Variants in CPE observed in about 807,000 individuals in gnomAD.
CPE encodes the protein carbocypeptidase E.
In CPE, 17 loss-of-function variants were observed where a neutral mutation model predicts 53.5. The observed-to-expected ratio is 0.32, with a 90% CI of 0.22 to 0.48. The LOEUF (loss-of-function observed/expected upper bound fraction) is 0.48. CPE is among the 20% of genes least tolerant of loss of function. The pLI is 0.99. For synonymous variants in CPE, 226 were observed against 228.8 expected (o/e 0.99, Z 0.11); for missense variants, 524 against 614.7 (o/e 0.85, Z 1.56).
At position 165,483,005 on chromosome 4, in the gene CPE, T is replaced by G. The variant is rs10025269; in HGVS notation, c.790+646T>G. ...TAAAAACAGGATGATTAGTTTGTTT[T>G]TTTTTTTTTAATTTTAGATTCGGGG... On this transcript the variant is annotated intron_variant, in intron 4 of 8. Coordinates refer to ENST00000402744, the MANE Select transcript of CPE (RefSeq NM_001873.4). 7.8e-3 allele frequency among the ~76,000 whole-genome samples: 1,185 copies of G among 152,226 alleles called. 17 individuals are homozygous for G. Among genetic ancestry groups the G allele is most frequent in the African/African-American group, 0.027 (1,128 of 41,528 alleles).
At chr4:165,475,359 G>A (rs114755879) in intron 3 of CPE, among the ~76,000 whole-genome samples, 2,126 of 152,302 alleles carry the variant, frequency 0.014, 18 homozygotes, top group Non-Finnish European at 0.023. Flanking sequence ...CTGGCAATGC[G>A]CCACCAGACA....
chr4:165,385,327 C>T (rs1289896835), intron 1 of CPE, among the ~76,000 whole-genome samples: 2 of 152,122 alleles, frequency 1.3e-5, no homozygotes, highest in Non-Finnish European at 2.9e-5. Flanking sequence ...TGAGATCTGC[C>T]TCCACCAATC....
intron 5 of CPE, among the ~76,000 whole-genome samples, 174 bp from the exon 6 acceptor site, chr4:165,487,264 C>T (rs980575301): frequency 1.3e-5 from 2 of 152,184 alleles, no homozygotes; most frequent in South Asian, 2.1e-4. Context: ...TAACAACCCC[C>T]GACCTATGTT....
intron 1 of CPE, among the ~76,000 whole-genome samples, chr4:165,433,030 T>A (rs111379009): frequency 2.8e-4 from 42 of 152,320 alleles, no homozygotes; most frequent in African/African-American, 1.0e-3. Context: ...TCCATTGGCT[T>A]TATTGCAATT....
intron 8 of CPE, among the ~76,000 whole-genome samples, chr4:165,497,018 G>A (rs563985428): frequency 1.2e-3 from 180 of 152,278 alleles, no homozygotes; most frequent in Non-Finnish European, 2.1e-3. Context: ...TGCCTCCCGG[G>A]TTCAAGAAAT....
At chr4:165,422,596 G>A (rs796542670) in intron 1 of CPE, among the ~76,000 whole-genome samples, 16 of 152,258 alleles carry the variant, frequency 1.1e-4, no homozygotes, top group African/African-American at 3.9e-4. Context: ...GCCTTAGGAG[G>A]TCCTGATGAC....
At chr4:165,402,188 T>C (rs879672711) in intron 1 of CPE, among the ~76,000 whole-genome samples, 2 of 152,232 alleles carry the variant, frequency 1.3e-5, no homozygotes, top group Non-Finnish European at 2.9e-5. Flanking sequence ...GAAAATGTGC[T>C]AATAATAATA....
chr4:165,430,377 T>C (rs11731727), intron 1 of CPE, among the ~76,000 whole-genome samples: 44,903 of 152,002 alleles, frequency 0.3, 6,722 homozygotes, highest in Middle Eastern at 0.39. Context: ...TTTTTTGAGT[T>C]GAGTTTCCAA....
At chr4:165,453,876 C>T (rs549024280) in intron 1 of CPE, among the ~76,000 whole-genome samples, 1 of 152,236 alleles carries the variant, frequency 6.6e-6, no homozygotes, top group African/African-American at 2.4e-5. Flanking sequence ...GGTATTTCCA[C>T]CTTCACTAGT....
chr4:165,407,508 TG>T (rs1011962228), intron 1 of CPE, among the ~76,000 whole-genome samples: 10 of 151,274 alleles, frequency 6.6e-5, no homozygotes, highest in African/African-American at 2.4e-4. Flanking sequence ...ATAACTCAAG[TG>T]GATTGCTGGG....
intron 3 of CPE, among the ~76,000 whole-genome samples, chr4:165,479,767 G>A (rs144717265): frequency 0.023 from 3,491 of 151,916 alleles, 119 homozygotes; most frequent in African/African-American, 0.077. Flanking sequence ...CGAGGCGGGC[G>A]GATCACGAGG....
chr4:165,382,561 C>A (rs1730520295), intron 1 of CPE, among the ~76,000 whole-genome samples: 1 of 151,996 alleles, frequency 6.6e-6, no homozygotes, highest in African/African-American at 2.4e-5. Flanking sequence ...AGATTCTTTT[C>A]CTGAACATTA....
intron 1 of CPE, among the ~76,000 whole-genome samples, chr4:165,431,485 C>T (rs1251660019): frequency 6.6e-6 from 1 of 152,176 alleles, no homozygotes; most frequent in Non-Finnish European, 1.5e-5. Context: ...TCCATATAGA[C>T]TCTCACTTTA....
At chr4:165,423,701 G>A (rs909091350) in intron 1 of CPE, among the ~76,000 whole-genome samples, 1 of 151,532 alleles carries the variant, frequency 6.6e-6, no homozygotes, top group Non-Finnish European at 1.5e-5. Context: ...GTGCAGGTTA[G>A]TTACATATGT....
At chr4:165,485,378 G>A (rs1384050316) in intron 5 of CPE, among the ~76,000 whole-genome samples, 1 of 152,118 alleles carries the variant, frequency 6.6e-6, no homozygotes, top group Non-Finnish European at 1.5e-5. Flanking sequence ...AGCAACATTA[G>A]CTAATTGAAG....
At chr4:165,398,029 C>T (rs1488948991) in intron 1 of CPE, among the ~76,000 whole-genome samples, 11 of 137,284 alleles carry the variant, frequency 8.0e-5, no homozygotes, top group African/African-American at 2.5e-4. Context: ...ACAGCTTGAG[C>T]GACAGAGCAA....
intron 1 of CPE, among the ~76,000 whole-genome samples, chr4:165,439,022 G>T (rs1400704187): frequency 6.6e-6 from 1 of 152,084 alleles, no homozygotes; most frequent in Non-Finnish European, 1.5e-5. Context: ...GTTTCCAAAG[G>T]TGTCTGATTT....
At chr4:165,458,204 GTGCGGTGAT>G (rs1301084252) in intron 1 of CPE, among the ~76,000 whole-genome samples, 1 of 152,162 alleles carries the variant, frequency 6.6e-6, no homozygotes, top group Non-Finnish European at 1.5e-5. Context: ...AATCAAATCA[GTGCGGTGAT>G]TGTGAGGCTT....
At chr4:165,409,487 G>A (rs1260160001) in intron 1 of CPE, among the ~76,000 whole-genome samples, 2 of 152,166 alleles carry the variant, frequency 1.3e-5, no homozygotes, top group East Asian at 3.9e-4. Flanking sequence ...TATAGGCTGA[G>A]CCGCTGCACC....
Sources: gnomAD v4.1 joint callset for allele counts (sites outside exome capture counted in the v4.1 genomes callset) on GRCh38, gnomAD v4.1.1 for gene constraint, MANE v1.5 for transcripts, NCBI Gene and HGNC (gene_info 2026-07-23, HGNC 2026-07-21) for gene names.